Variants in TCERG1L observed in about 807,000 individuals in gnomAD.
The protein encoded by TCERG1L is transcription elongation regulator 1-like protein.
A neutral mutation model predicts 56.3 loss-of-function variants in TCERG1L; 37 were observed. The ratio of observed to expected loss-of-function variants is 0.66; its 90% CI spans 0.51 to 0.87. TCERG1L has a LOEUF of 0.87. Among genes scored for constraint, TCERG1L ranks in the 40% least tolerant of loss-of-function variants. TCERG1L has a pLI of 0.00. For synonymous variants in TCERG1L, 324 were observed against 326.3 expected (o/e 0.99, Z 0.08); for missense variants, 799 against 774.2 (o/e 1.03, Z -0.38).
intron 4 of TCERG1L, among the ~76,000 whole-genome samples, chr10:131,217,386 C>T (rs1845680688): frequency 6.6e-6 from 1 of 152,138 alleles, no homozygotes; most frequent in Non-Finnish European, 1.5e-5. Flanking sequence ...TTCGGCACAG[C>T]CTGCAGAATA....
At chr10:131,270,434 C>G (rs1321788907) in intron 3 of TCERG1L, among the ~76,000 whole-genome samples, 14 of 152,224 alleles carry the variant, frequency 9.2e-5, no homozygotes. Context: ...AAGACAGGTC[C>G]AGCCAAAGAA....
chr10:131,154,652 G>A (rs1418692638), intron 6 of TCERG1L, among the ~76,000 whole-genome samples: 1 of 152,214 alleles, frequency 6.6e-6, no homozygotes, highest in Non-Finnish European at 1.5e-5. Flanking sequence ...TGGCAGCTGG[G>A]TGAGGGACTA....
intron 4 of TCERG1L, among the ~76,000 whole-genome samples, chr10:131,186,495 C>T (rs1456667129): frequency 6.6e-6 from 1 of 152,162 alleles, no homozygotes; most frequent in Non-Finnish European, 1.5e-5. Flanking sequence ...CTGGGAGCTC[C>T]AGAGACACGA....
chr10:131,233,431 C>T (rs7095957), intron 4 of TCERG1L, among the ~76,000 whole-genome samples: 7,963 of 135,060 alleles, frequency 0.059, 512 homozygotes, highest in East Asian at 0.3. Context: ...CACATATATA[C>T]ACACATATGC....
intron 1 of TCERG1L, among the ~76,000 whole-genome samples, chr10:131,309,963 G>C (rs10829971): frequency 6.6e-6 from 1 of 150,610 alleles, no homozygotes; most frequent in Non-Finnish European, 1.5e-5. Flanking sequence ...AAATAACTGA[G>C]ACCTCATAAG....
At chr10:131,125,116 T>C (rs1845551557) in intron 8 of TCERG1L, among the ~76,000 whole-genome samples, 3 of 152,174 alleles carry the variant, frequency 2.0e-5, no homozygotes, top group Admixed American at 6.5e-5. Flanking sequence ...ATGATGGTGA[T>C]GGTGATGACA....
intron 4 of TCERG1L, among the ~76,000 whole-genome samples, chr10:131,226,205 T>C (rs1484590665): frequency 6.6e-6 from 1 of 152,168 alleles, no homozygotes; most frequent in African/African-American, 2.4e-5. Flanking sequence ...CTTCCCAAAG[T>C]GCTGGGAATA....
At chr10:131,120,794 G>C (rs896585354) in intron 8 of TCERG1L, among the ~76,000 whole-genome samples, 1 of 152,212 alleles carries the variant, frequency 6.6e-6, no homozygotes, top group African/African-American at 2.4e-5. Flanking sequence ...TGGATTCAGT[G>C]AGATGGTCCA....
At chr10:131,266,749 G>C (rs1589766836) in intron 3 of TCERG1L, among the ~76,000 whole-genome samples, 1 of 152,228 alleles carries the variant, frequency 6.6e-6, no homozygotes, top group East Asian at 1.9e-4. Flanking sequence ...GACATCTGTA[G>C]TTCTCAGCAG....
Position 131,308,221 on chromosome 10 carries a change from C to G in TCERG1L, c.660G>C (p.Gln220His), listed in dbSNP as rs754231346. ...TATTTGGGCACCAACCTGGGATGGGCTGAGGTGCTAACACCACCGTGGGGA... is the reference window on the plus strand; with the variant it reads ...TATTTGGGCACCAACCTGGGATGGGGTGAGGTGCTAACACCACCGTGGGGA... ...RPLPTVVLAP[Q>H]PIPGGCHNSL... Residue 220 changes from glutamine (Q) to histidine (H), a missense_variant, in exon 3 of 12, where the codon CAG becomes CAC. By Grantham distance (24) the Gln-to-His change is conservative (BLOSUM62 0). Coordinates refer to ENST00000368642, the MANE Select transcript of TCERG1L (RefSeq NM_174937.4). 7.4e-6 allele frequency: 12 copies of G among 1,612,014 alleles called. No individual in the cohort carries two copies. In the East Asian group the frequency reaches 2.7e-4, roughly 36 times the overall value.
intron 9 of TCERG1L, among the ~76,000 whole-genome samples, chr10:131,114,762 C>G (rs1045589356): frequency 6.6e-6 from 1 of 152,174 alleles, no homozygotes; most frequent in Non-Finnish European, 1.5e-5. Context: ...TAAATTGGGC[C>G]TGGCTCATTT....
chr10:131,249,443 C>T (rs1039407866), intron 4 of TCERG1L, among the ~76,000 whole-genome samples: 7 of 151,472 alleles, frequency 4.6e-5, no homozygotes, highest in Admixed American at 2.0e-4. Flanking sequence ...GGGGCTTTCA[C>T]GGCCCTGACA....
intron 3 of TCERG1L, among the ~76,000 whole-genome samples, chr10:131,266,368 T>C (rs535101527): frequency 7.2e-5 from 11 of 152,354 alleles, no homozygotes; most frequent in African/African-American, 2.4e-4. Flanking sequence ...CTATGAATTA[T>C]GAATGTTCAC....
At chr10:131,295,602 C>T (rs952757684) in intron 3 of TCERG1L, among the ~76,000 whole-genome samples, 1 of 152,192 alleles carries the variant, frequency 6.6e-6, no homozygotes, top group Admixed American at 6.5e-5. Context: ...TTTAAACTCA[C>T]ATAAAATAAC....
intron 4 of TCERG1L, among the ~76,000 whole-genome samples, chr10:131,230,633 C>G (rs993591451): frequency 6.6e-6 from 1 of 152,166 alleles, no homozygotes; most frequent in Admixed American, 6.5e-5. Context: ...GACAGTGGGA[C>G]AGTGGAGATG....
At chr10:131,287,941 TCAA>T (rs1042240489) in intron 3 of TCERG1L, among the ~76,000 whole-genome samples, 3 of 152,150 alleles carry the variant, frequency 2.0e-5, no homozygotes, top group African/African-American at 2.4e-5. Context: ...TGTCACTCAT[TCAA>T]CAACAATTTT....
intron 3 of TCERG1L, among the ~76,000 whole-genome samples, chr10:131,275,882 C>A (rs556498911): frequency 6.6e-6 from 1 of 152,272 alleles, no homozygotes; most frequent in African/African-American, 2.4e-5. Context: ...AAGGTCTGGA[C>A]GTGGACGCCT....
intron 4 of TCERG1L, among the ~76,000 whole-genome samples, chr10:131,185,878 A>T (rs1809163484): frequency 6.6e-6 from 1 of 152,234 alleles, no homozygotes; most frequent in Admixed American, 6.5e-5. Flanking sequence ...AAGAATTGAA[A>T]ACGGATATTC....
intron 4 of TCERG1L, among the ~76,000 whole-genome samples, chr10:131,250,732 T>C (rs758735448): frequency 3.3e-5 from 5 of 152,176 alleles, no homozygotes; most frequent in Non-Finnish European, 7.3e-5. Context: ...AGCGCCCTGT[T>C]AGTTGACTTC....
Sources: allele counts gnomAD v4.1 joint callset (sites outside exome capture counted in the v4.1 genomes callset), GRCh38; gene constraint gnomAD v4.1.1; transcripts MANE v1.5; gene names NCBI Gene and HGNC (gene_info 2026-07-23, HGNC 2026-07-21).